RYR3: variants seen among roughly 807,000 people sequenced by gnomAD.
RYR3 encodes ryanodine receptor 3.
In RYR3, 207 loss-of-function variants were observed where a neutral mutation model predicts 584.3. The observed-to-expected ratio is 0.35, with a 90% CI of 0.32 to 0.40. The LOEUF is 0.40. Ranked by LOEUF, RYR3 falls within the 10% of genes least tolerant of loss-of-function variation. The probability of loss-of-function intolerance (pLI) is 1.00; values close to 1 mark genes in which losing one functional copy is unlikely to be tolerated. For missense variants in RYR3, 5,616 were observed against 6,089.2 expected (o/e 0.92, Z 2.59); for synonymous variants, 2,416 against 2,248.5 (o/e 1.07, Z -2.11).
rs576316235 is a variant in RYR3 at position 33,363,778 on chromosome 15, T to A, written c.51+52682T>A. Among the ~76,000 whole-genome samples, 3 of 152,328 alleles carry A rather than the reference T, an allele frequency of 2.0e-5. No homozygotes were observed. The South Asian group carries it at 6.2e-4, about 32-fold the overall frequency. On this transcript the variant is annotated intron_variant, in intron 1 of 103. Transcript: ENST00000634891. ...CTTTCTGTGTCTCTAGATTGTGCTG[T>A]TCAGTGTGATAGCCACCAGCTGCAT...
At chr15:33,858,967 T>A (rs1377478084) in intron 99 of RYR3, 1 of 152,718 alleles carries the variant, frequency 6.5e-6, no homozygotes, top group Non-Finnish European at 1.5e-5. Context: ...CAGCGTGTCT[T>A]CAGGCTGCCC....
intron 86 of RYR3, 71 bp from the exon 87 acceptor site, chr15:33,834,897 T>C: frequency 8.8e-7 from 1 of 1,135,184 alleles, no homozygotes; most frequent in African/African-American, 1.5e-5. Context: ...AGGTATCAGA[T>C]GCCCTTACTA....
chr15:33,765,244 G>A (rs2072914203), intron 60 of RYR3, among the ~76,000 whole-genome samples: 1 of 151,992 alleles, frequency 6.6e-6, no homozygotes. Flanking sequence ...GCTAAAAGAT[G>A]GATTCTACTG....
rs1437738835 is a variant in RYR3 at position 33,520,450 on chromosome 15, ATGAGGAGGAGGAGTAT to A, written c.280-10141_280-10126del. Among the ~76,000 whole-genome samples the A allele has an allele frequency of 2.6e-5, 4 of 152,174 alleles. No homozygotes were observed. In the East Asian group the frequency reaches 7.7e-4, roughly 29 times the overall value. On this transcript the variant is annotated intron_variant, in intron 3 of 103. Coordinates refer to ENST00000634891, the MANE Select transcript of RYR3 (RefSeq NM_001036.6). ...GGTCCACTGTTTCATCTGAAGCCTGATGAGGAGGAGGAGTATGGGTGGTTCAAATAGAAACCAGAGC... is the reference window on the plus strand; with the variant it reads ...GGTCCACTGTTTCATCTGAAGCCTGAGGGTGGTTCAAATAGAAACCAGAGC...
intron 1 of RYR3, among the ~76,000 whole-genome samples, chr15:33,388,397 G>C (rs2041771823): frequency 6.6e-6 from 1 of 152,174 alleles, no homozygotes; most frequent in Admixed American, 6.5e-5. Context: ...GAGAATCCCA[G>C]GTTGACAGCT....
intron 2 of RYR3, among the ~76,000 whole-genome samples, chr15:33,481,241 G>A (rs1430856685): frequency 6.6e-6 from 1 of 152,036 alleles, no homozygotes; most frequent in Non-Finnish European, 1.5e-5. Context: ...ATATAGGTAA[G>A]TACTGTTTTC....
rs2040415728 is a variant in RYR3, at chr15:33,372,533, T to G, written c.51+61437T>G. On this transcript the variant is annotated intron_variant, in intron 1 of 103. Coordinates refer to ENST00000634891, the MANE Select transcript of RYR3 (RefSeq NM_001036.6). ...GCGCCCGCCACCACGCCCAGCTAAT[T>G]TTTTTGGATTTTTAGTAGAGACGAG... 2.0e-5 allele frequency among the ~76,000 whole-genome samples: 3 copies of G among 151,596 alleles called. No individual in the cohort carries two copies. In the South Asian group the frequency reaches 6.3e-4, roughly 32 times the overall value.
chr15:33,800,991 C>T (rs1223603892), intron 68 of RYR3, 134 bp downstream of exon 68: 1 of 669,116 alleles, frequency 1.5e-6, no homozygotes, highest in Non-Finnish European at 2.7e-6. Context: ...GACCACGACC[C>T]ATGACACTGC....
chr15:33,724,634 G>A (rs149174167), intron 45 of RYR3, among the ~76,000 whole-genome samples: 2 of 152,186 alleles, frequency 1.3e-5, no homozygotes, highest in Admixed American at 1.3e-4. Context: ...ATCACAAAAG[G>A]ATGGTTCTAT....
At chr15:33,499,613 T>C (rs1380315094) in intron 2 of RYR3, among the ~76,000 whole-genome samples, 2 of 152,220 alleles carry the variant, frequency 1.3e-5, no homozygotes, top group Non-Finnish European at 2.9e-5. Flanking sequence ...AAATATTTAC[T>C]GTACACATCA....
intron 52 of RYR3, among the ~76,000 whole-genome samples, chr15:33,745,510 C>T (rs1165278233): frequency 1.3e-5 from 2 of 152,132 alleles, no homozygotes; most frequent in African/African-American, 2.4e-5. Flanking sequence ...GGGGCTCTTA[C>T]TTATCTCTGT....
intron 62 of RYR3, among the ~76,000 whole-genome samples, chr15:33,769,686 G>C (rs2073410011): frequency 6.6e-6 from 1 of 152,250 alleles, no homozygotes; most frequent in African/African-American, 2.4e-5. Flanking sequence ...AGGCGCGGTG[G>C]CTCATGCCTA....
At chr15:33,701,929 T>C (rs1281125359) in intron 42 of RYR3, among the ~76,000 whole-genome samples, 1 of 152,040 alleles carries the variant, frequency 6.6e-6, no homozygotes, top group Non-Finnish European at 1.5e-5. Flanking sequence ...GGGGATGTGG[T>C]GAGAATGCAG....
intron 35 of RYR3, 143 bp from the exon 36 acceptor site, chr15:33,663,394 G>A: frequency 1.5e-6 from 1 of 681,000 alleles, no homozygotes; most frequent in East Asian, 2.7e-5. Flanking sequence ...TCGACTTAAT[G>A]GTGAAGATTT....
intron 49 of RYR3, among the ~76,000 whole-genome samples, chr15:33,737,210 C>T (rs2069561378): frequency 6.6e-6 from 1 of 152,208 alleles, no homozygotes; most frequent in Admixed American, 6.5e-5. Flanking sequence ...CCTCCCTCCT[C>T]AGTCTCCCAA....
intron 16 of RYR3, among the ~76,000 whole-genome samples, chr15:33,588,574 G>A (rs2152528349): frequency 6.6e-6 from 1 of 152,134 alleles, no homozygotes; most frequent in South Asian, 2.1e-4. Flanking sequence ...AATGTACATT[G>A]TACTCATTAA....
chr15:33,523,770 T>G (rs1462637159), intron 3 of RYR3, among the ~76,000 whole-genome samples: 9 of 152,062 alleles, frequency 5.9e-5, no homozygotes, highest in Non-Finnish European at 1.3e-4. Context: ...GCCACTGGGT[T>G]TGGGACCCAA....
Position 33,634,477 on chromosome 15 carries a change from A to T in RYR3, c.3028-109A>T. 3.8e-6 allele frequency: 4 copies of T among 1,048,766 alleles called. No individual in the cohort carries two copies. The South Asian group carries it at 4.3e-5, about 11-fold the overall frequency. 65.0% of individuals were successfully genotyped at this position (1,048,766 alleles called of 1,614,324 possible). A position where few individuals can be genotyped will look rare whatever the true frequency, so the allele number is the denominator to read the frequency against. On this transcript the variant is annotated intron_variant, in intron 24 of 103. Coordinates refer to ENST00000634891, the MANE Select transcript of RYR3 (RefSeq NM_001036.6). ...AAGGCACTGAGGGAAGGGCTAATAGACCTAGAGCGACCAGAAAGCCAGGAC... is the reference window on the plus strand; with the variant it reads ...AAGGCACTGAGGGAAGGGCTAATAGTCCTAGAGCGACCAGAAAGCCAGGAC...
intron 63 of RYR3, among the ~76,000 whole-genome samples, chr15:33,773,311 A>G (rs553383362): frequency 6.6e-6 from 1 of 152,326 alleles, no homozygotes; most frequent in East Asian, 1.9e-4. Context: ...AGCCCCACAA[A>G]GGAACTGGGA....
Sources: gnomAD v4.1 joint callset for allele counts (sites outside exome capture counted in the v4.1 genomes callset) on GRCh38, gnomAD v4.1.1 for gene constraint, MANE v1.5 for transcripts, NCBI Gene and HGNC (gene_info 2026-07-23, HGNC 2026-07-21) for gene names.